The following GRIA3 variants were observed in gnomAD, a reference collection of about 807,000 sequenced individuals.
GRIA3 encodes the protein glutamate ionotropic receptor AMPA type subunit 3.
Under a neutral mutation model 63.0 loss-of-function variants are expected in GRIA3, and 3 were observed. The ratio of observed to expected loss-of-function variants is 0.05; its 90% confidence interval spans 0.02 to 0.12. GRIA3 has a LOEUF of 0.12. Ranked by LOEUF, GRIA3 falls within the 10% of genes least tolerant of loss-of-function variation. GRIA3 has a pLI of 1.00. For synonymous variants in GRIA3, 274 were observed against 257.9 expected, an observed-to-expected ratio of 1.06 and a Z score of -0.60; for missense variants, 347 against 700.9, an observed-to-expected ratio of 0.50 and a Z score of 5.70.
intron 4 of GRIA3, among the ~76,000 whole-genome samples, chrX:123,333,160 T>G (rs61478889): frequency 0.014 from 1,515 of 111,508 alleles, 25 homozygotes; most frequent in African/African-American, 0.046. Context: ...CAAACACAAG[T>G]AAAGGATATG....
At chrX:123,374,774 A>G (rs2045273143) in intron 5 of GRIA3, among the ~76,000 whole-genome samples, 1 of 111,610 alleles carries the variant, frequency 9.0e-6, no homozygotes, top group Admixed American at 9.5e-5. Context: ...GGGTTTTCTA[A>G]ATATACAATC....
intron 3 of GRIA3, among the ~76,000 whole-genome samples, chrX:123,282,051 C>A (rs2044589194): frequency 8.9e-6 from 1 of 111,765 alleles, no homozygotes; most frequent in African/African-American, 3.3e-5. Flanking sequence ...AATTACTGGG[C>A]CTCAGCCTCA....
intron 3 of GRIA3, among the ~76,000 whole-genome samples, chrX:123,272,452 T>C (rs925790707): frequency 8.9e-6 from 1 of 111,993 alleles, no homozygotes; most frequent in African/African-American, 3.2e-5. Flanking sequence ...ACCCTTCCCA[T>C]CCCAATCTGA....
chrX:123,376,783 A>T (rs2045286983), intron 5 of GRIA3, among the ~76,000 whole-genome samples: 1 of 111,028 alleles, frequency 9.0e-6, no homozygotes, highest in Non-Finnish European at 1.9e-5. Flanking sequence ...AAGAAGTGAA[A>T]CCTGGGAAGA....
intron 14 of GRIA3, among the ~76,000 whole-genome samples, chrX:123,482,530 T>A (rs1016585979): frequency 1.8e-5 from 2 of 111,959 alleles, no homozygotes; most frequent in Admixed American, 1.9e-4. Flanking sequence ...TTTTATTAAT[T>A]GTTGAACACC....
chrX:123,382,844 A>G (rs992108351), intron 5 of GRIA3, among the ~76,000 whole-genome samples: 1 of 112,053 alleles, frequency 8.9e-6, no homozygotes, highest in Non-Finnish European at 1.9e-5. Context: ...TTAACATGCT[A>G]TGAATATTAG....
At chrX:123,262,107 G>C (rs752030802) in intron 3 of GRIA3, among the ~76,000 whole-genome samples, 1 of 111,765 alleles carries the variant, frequency 8.9e-6, no homozygotes, top group South Asian at 3.8e-4. Flanking sequence ...GATGGACAGC[G>C]GTATAGACCT....
intron 5 of GRIA3, among the ~76,000 whole-genome samples, chrX:123,390,674 A>G (rs982160328): frequency 1.8e-5 from 2 of 112,160 alleles, no homozygotes; most frequent in Non-Finnish European, 3.8e-5. Context: ...GTATGTCTAA[A>G]TCTTTTGCTA....
chrX:123,255,868 A>G (rs2044416867), intron 3 of GRIA3, among the ~76,000 whole-genome samples: 1 of 110,928 alleles, frequency 9.0e-6, no homozygotes, highest in Non-Finnish European at 1.9e-5. Context: ...GCCTTCTTAC[A>G]TTACTGTACT....
chrX:123,342,463 C>T (rs1375750906), intron 4 of GRIA3, among the ~76,000 whole-genome samples: 1 of 112,136 alleles, frequency 8.9e-6, no homozygotes, highest in Non-Finnish European at 1.9e-5. Flanking sequence ...AAATAACCTG[C>T]ACTGTGACAA....
intron 2 of GRIA3, among the ~76,000 whole-genome samples, chrX:123,218,595 T>C (rs1407138793): frequency 9.0e-6 from 1 of 111,125 alleles, no homozygotes; most frequent in Non-Finnish European, 1.9e-5. Flanking sequence ...GAGTAAATGA[T>C]GCTGATTTTT....
chrX:123,261,210 T>C (rs1355258823), intron 3 of GRIA3, among the ~76,000 whole-genome samples: 1 of 111,458 alleles, frequency 9.0e-6, no homozygotes, highest in Non-Finnish European at 1.9e-5. Flanking sequence ...AGCTGAATAT[T>C]AGTTACTGTG....
chrX:123,457,196 A>G (rs2045766638), intron 12 of GRIA3, among the ~76,000 whole-genome samples: 1 of 111,199 alleles, frequency 9.0e-6, no homozygotes, highest in African/African-American at 3.3e-5. Context: ...TAATGCCAAG[A>G]AGCCCACTCT....
chrX:123,459,095 T>C (rs775132128), intron 12 of GRIA3, among the ~76,000 whole-genome samples: 1 of 111,760 alleles, frequency 8.9e-6, no homozygotes, highest in African/African-American at 3.2e-5. Context: ...TATTAACCCA[T>C]TTAATTTCTC....
chrX:123,245,102 G>A (rs778285463), intron 2 of GRIA3, among the ~76,000 whole-genome samples: 1 of 112,191 alleles, frequency 8.9e-6, no homozygotes, highest in African/African-American at 3.2e-5. Context: ...TACCTTAGAG[G>A]CAGAATTGGT....
In GRIA3 at chrX:123,463,668, GAAAGAAAGAAAGAA is replaced by G. The variant is rs1454763268; in HGVS notation, c.2077-1195_2077-1182del. On this transcript the variant is annotated intron_variant, in intron 12 of 15. Transcript: ENST00000620443. ...AGAAAGAAAGAAAGAAAGAAAGAAA[GAAAGAAAGAAAGAA>G]AGAGAGAGAAAGAAAGAAAAAGAAA... Among the ~76,000 whole-genome samples the G allele has an allele frequency of 7.7e-3, 378 of 49,206 alleles. 38 individuals are homozygous for G. The highest frequency in any genetic ancestry group is 0.039 in the African/African-American group (273 of 6,947). 42.7% of individuals were successfully genotyped at this position (49,206 alleles called of 115,157 possible).
chrX:123,225,642 CT>C lies in GRIA3; in HGVS notation c.269-27654del, dbSNP rs201937783. Among the ~76,000 whole-genome samples, 3 of 70,191 alleles carry C rather than the reference CT, an allele frequency of 4.3e-5. No individual in the cohort carries two copies. The East Asian group carries it at 1.1e-3, about 26-fold the overall frequency. The allele number at this position is 70,191 out of a possible 115,157, so 61.0% of individuals were successfully genotyped here. A position where few individuals can be genotyped will look rare whatever the true frequency, so the allele number is the denominator to read the frequency against. On this transcript the variant is annotated intron_variant, in intron 2 of 15. Coordinates refer to ENST00000620443, the MANE Select transcript of GRIA3 (RefSeq NM_007325.5). The stretch of plus-strand genomic sequence containing the variant: ...TTCCTTTCCAAGATAAATCCAAAGA[CT>C]TTTTTTCTACTCTAACATTTCACAA...
rs34745333 is a variant in GRIA3, at chrX:123,489,082, T to TACAC, written c.*404_*407dup. ...AGTATATAAACACCATGTTCTTTAA[T>TACAC]ACACACACACACACACACACACACA... On this transcript the variant is annotated 3_prime_UTR_variant, in exon 16 of 16. Transcript: ENST00000620443. 0.15 allele frequency: 13,901 copies of TACAC among 94,054 alleles called. 828 individuals are homozygous for TACAC. Among genetic ancestry groups the TACAC allele is most frequent in the Non-Finnish European group, 0.17 (8,052 of 47,128 alleles). 7.8% of individuals were successfully genotyped at this position (94,054 alleles called of 1,213,427 possible). A position where few individuals can be genotyped will look rare whatever the true frequency, so the allele number is the denominator to read the frequency against.
chrX:123,310,877 C>T (rs2044786150), intron 3 of GRIA3, among the ~76,000 whole-genome samples: 1 of 110,725 alleles, frequency 9.0e-6, no homozygotes, highest in East Asian at 2.8e-4. Flanking sequence ...GTGGCACACA[C>T]TTGCAATCCC....
Sources: allele counts gnomAD v4.1 joint callset (sites outside exome capture counted in the v4.1 genomes callset), GRCh38; gene constraint gnomAD v4.1.1; transcripts MANE v1.5; gene names NCBI Gene and HGNC (gene_info 2026-07-23, HGNC 2026-07-21).